SYNE2: variants seen among roughly 807,000 people sequenced by gnomAD.
The protein encoded by SYNE2 is nesprin-2.
A neutral mutation model predicts 856.3 loss-of-function variants in SYNE2; 431 were observed. The observed-to-expected ratio is 0.50, with a 90% CI of 0.47 to 0.55. The LOEUF (loss-of-function observed/expected upper bound fraction) is 0.55. SYNE2 is among the 20% of genes least tolerant of loss of function. The pLI, the probability that SYNE2 is intolerant of heterozygous loss-of-function variation, is 0.00. For missense variants in SYNE2, 8,129 were observed against 8,023.2 expected (o/e 1.01, Z -0.50); for synonymous variants, 2,923 against 2,872.3 (o/e 1.02, Z -0.56).
At chr14:63,977,192 G>A (rs2096550243) in intron 12 of SYNE2, among the ~76,000 whole-genome samples, 1 of 152,092 alleles carries the variant, frequency 6.6e-6, no homozygotes, top group Non-Finnish European at 1.5e-5. Context: ...TCTGTAAAAT[G>A]TTCAGATTTA....
chr14:64,170,485 G>A, intron 94 of SYNE2, 23 bp downstream of exon 94: 3 of 1,586,888 alleles, frequency 1.9e-6, no homozygotes, highest in Non-Finnish European at 2.6e-6. Context: ...TCGTAGCAGT[G>A]TGAGAACCAC....
At chr14:63,776,687 C>T (rs1421251027) in intron 1 of SYNE2, among the ~76,000 whole-genome samples, 2 of 151,142 alleles carry the variant, frequency 1.3e-5, no homozygotes, top group African/African-American at 4.9e-5. Flanking sequence ...GCAACCTCCG[C>T]TTCCTGGGTT....
intron 1 of SYNE2, among the ~76,000 whole-genome samples, chr14:63,861,758 G>A (rs369467575): frequency 6.6e-6 from 1 of 151,840 alleles, no homozygotes; most frequent in East Asian, 1.9e-4. Context: ...GTGAGACCCC[G>A]ACTAAAAAGA....
At chr14:63,953,715 C>T (rs1195794546) in intron 7 of SYNE2, among the ~76,000 whole-genome samples, 1 of 152,062 alleles carries the variant, frequency 6.6e-6, no homozygotes, top group Non-Finnish European at 1.5e-5. Context: ...TTTCCTTTTG[C>T]GAAACTGTAC....
At chr14:64,098,643 T>C in intron 62 of SYNE2, 104 bp from the exon 63 acceptor site, 1 of 1,202,604 alleles carries the variant, frequency 8.3e-7, no homozygotes, top group Non-Finnish European at 1.2e-6. Flanking sequence ...GCATCTTGGA[T>C]AAAGTAAGTA....
At chr14:63,954,681 T>G (rs766773069) in intron 7 of SYNE2, 38 bp from the exon 8 acceptor site, 2 of 1,592,946 alleles carry the variant, frequency 1.3e-6, no homozygotes, top group Admixed American at 1.7e-5. Context: ...TACGTTCTTT[T>G]TAATGGTATT....
chr14:64,049,945 C>G, intron 47 of SYNE2, 69 bp downstream of exon 47: 1 of 1,572,034 alleles, frequency 6.4e-7, no homozygotes, highest in Admixed American at 1.7e-5. Context: ...TTGGACAGGC[C>G]CAGGGTTTTA....
intron 1 of SYNE2, among the ~76,000 whole-genome samples, chr14:63,858,001 A>G (rs1294308240): frequency 6.6e-6 from 1 of 152,208 alleles, no homozygotes; most frequent in South Asian, 2.1e-4. Flanking sequence ...TGGGAAGTCT[A>G]AGATTGATGG....
intron 1 of SYNE2, among the ~76,000 whole-genome samples, chr14:63,830,381 C>A: frequency 6.6e-6 from 1 of 151,584 alleles, no homozygotes; most frequent in South Asian, 2.1e-4. Flanking sequence ...TAAAAATGGG[C>A]CAGACATGGT....
Position 64,208,948 on chromosome 14 carries a change from AAGAACT to A in SYNE2, c.18389+5_18389+10del. 6.2e-7 allele frequency: 1 copy of A among 1,613,694 alleles called. No individual in the cohort carries two copies. Among genetic ancestry groups the A allele is most frequent in the Non-Finnish European group, 8.5e-7 (1 of 1,179,906 alleles). On this transcript the variant is annotated splice_donor_5th_base_variant and intron_variant, in intron 101 of 115. Transcript: ENST00000555002. ...ATGTCCATGGAGCGGCGCATGAAGT[AAGAACT>A]AAGCTCCCCCAAATGCCTTCAGCGT...
chr14:64,026,326 G>A (rs1296419746), intron 41 of SYNE2, among the ~76,000 whole-genome samples: 2 of 152,122 alleles, frequency 1.3e-5, no homozygotes, highest in East Asian at 1.9e-4. Flanking sequence ...GGTTTTGGGG[G>A]CATAAAGGAA....
At position 63,955,138 on chromosome 14, in the gene SYNE2, T is replaced by C. The variant is rs77288874; in HGVS notation, c.787+223T>C. On this transcript the variant is annotated intron_variant, in intron 8 of 115. Coordinates refer to ENST00000555002, the MANE Select transcript of SYNE2 (RefSeq NM_182914.3). ...CAGCTGAAAGCAAACAGTGCTGTTA[T>C]TGGGAATAATTTGAGCCTGTCTTGA... Among the ~76,000 whole-genome samples the C allele has an allele frequency of 1.5e-3, 224 of 152,332 alleles. 1 individual carries two copies. In the South Asian group the frequency reaches 0.015, roughly 10 times the overall value.
At chr14:63,812,871 A>G (rs1480434311) in intron 1 of SYNE2, among the ~76,000 whole-genome samples, 1 of 152,204 alleles carries the variant, frequency 6.6e-6, no homozygotes, top group African/African-American at 2.4e-5. Flanking sequence ...CACATTCTGC[A>G]CATGTATCCT....
At chr14:63,974,914 A>ATATATATATG (rs1260422403) in intron 11 of SYNE2, among the ~76,000 whole-genome samples, 2 of 85,522 alleles carry the variant, frequency 2.3e-5, no homozygotes, top group African/African-American at 9.2e-5. Flanking sequence ...ATATATATAT[A>ATATATATATG]TATGTATCTT....
Position 64,098,158 on chromosome 14 carries a change from T to C in SYNE2, c.12306+12T>C. ...CTTCTGAGCGGAAGGTGGGTATGAC[T>C]TTAGGTTAATGCTGGCCCCACACTC... On this transcript the variant is annotated intron_variant, in intron 62 of 115. Coordinates refer to ENST00000555002, the MANE Select transcript of SYNE2 (RefSeq NM_182914.3). The C allele has an allele frequency of 6.2e-7, 1 of 1,613,442 alleles. No homozygotes were observed. The highest frequency in any genetic ancestry group is 8.5e-7 in the Non-Finnish European group (1 of 1,179,758).
rs1474566813 is a variant in SYNE2, at chr14:64,131,809, A to G, written c.14341-456A>G. Among the ~76,000 whole-genome samples, 5 of 152,364 alleles carry G rather than the reference A, an allele frequency of 3.3e-5. No individual in the cohort carries two copies. The East Asian group carries it at 7.7e-4, about 23-fold the overall frequency. On this transcript the variant is annotated intron_variant, in intron 76 of 115. Coordinates refer to ENST00000555002, the MANE Select transcript of SYNE2 (RefSeq NM_182914.3). ...CTGATTTAGAAAGATCTATCTGGAA[A>G]TTGAAATTGACAAAAATGTTTGTCA...
intron 85 of SYNE2, among the ~76,000 whole-genome samples, chr14:64,153,420 T>G (rs1330767797): frequency 2.6e-5 from 4 of 152,188 alleles, no homozygotes; most frequent in African/African-American, 9.7e-5. Flanking sequence ...ATCTATACCA[T>G]CAATTATAGA....
intron 99 of SYNE2, among the ~76,000 whole-genome samples, chr14:64,194,381 C>T (rs1281593955): frequency 1.3e-5 from 2 of 152,044 alleles, no homozygotes; most frequent in Non-Finnish European, 2.9e-5. Context: ...CAGCCTCTAC[C>T]TTTCAGGCTC....
intron 55 of SYNE2, among the ~76,000 whole-genome samples, chr14:64,079,182 G>A (rs2097498047): frequency 6.6e-6 from 1 of 152,106 alleles, no homozygotes. Flanking sequence ...TTATCTTGGG[G>A]ATACTGATAC....
Sources: gnomAD v4.1 joint callset for allele counts (sites outside exome capture counted in the v4.1 genomes callset) on GRCh38, gnomAD v4.1.1 for gene constraint, MANE v1.5 for transcripts, NCBI Gene and HGNC (gene_info 2026-07-23, HGNC 2026-07-21) for gene names.